The following NREP variants were observed in gnomAD, a reference collection of about 807,000 sequenced individuals.
NREP encodes neuronal regeneration-related protein.
In NREP, 5 loss-of-function variants were observed where a neutral mutation model predicts 8.6. The ratio of observed to expected loss-of-function variants is 0.58; its 90% confidence interval spans 0.30 to 1.22. NREP has a LOEUF of 1.22. NREP is among the 50% of genes most tolerant of loss of function. The probability of loss-of-function intolerance (pLI) is 0.07; values close to 1 mark genes in which losing one functional copy is unlikely to be tolerated. For missense variants in NREP, 86 were observed against 82.5 expected, an observed-to-expected ratio of 1.04 and a Z score of -0.17; for synonymous variants, 27 against 28.0, an observed-to-expected ratio of 0.96 and a Z score of 0.11.
chr5:111,734,605 A>C, intron 3 of NREP: 1 of 545,700 alleles, frequency 1.8e-6, no homozygotes, highest in Non-Finnish European at 3.3e-6. Context: ...TGTTGATACT[A>C]TTTAGTGTAA....
chr5:111,928,400 A>T (rs1190401764), intron 2 of NREP, among the ~76,000 whole-genome samples: 1 of 152,050 alleles, frequency 6.6e-6, no homozygotes, highest in Non-Finnish European at 1.5e-5. Context: ...TCTCAGTTTC[A>T]AATTGAGGAA....
intron 2 of NREP, among the ~76,000 whole-genome samples, chr5:111,947,486 T>G (rs1474914094): frequency 6.6e-6 from 1 of 151,982 alleles, no homozygotes; most frequent in Non-Finnish European, 1.5e-5. Context: ...ATTATGCAAT[T>G]ATAATAGATA....
chr5:111,744,813 G>A (rs914357284), intron 2 of NREP, among the ~76,000 whole-genome samples: 4 of 152,044 alleles, frequency 2.6e-5, no homozygotes, highest in Admixed American at 1.3e-4. Flanking sequence ...AAGAATCATC[G>A]GTAGTTTAAT....
At chr5:111,877,280 A>G (rs1028078015) in intron 2 of NREP, among the ~76,000 whole-genome samples, 1 of 152,152 alleles carries the variant, frequency 6.6e-6, no homozygotes, top group African/African-American at 2.4e-5. Flanking sequence ...AACTCCATCC[A>G]TGATTGCCCT....
chr5:111,933,575 G>A (rs1755601908), intron 2 of NREP, among the ~76,000 whole-genome samples: 2 of 152,028 alleles, frequency 1.3e-5, no homozygotes, highest in South Asian at 4.1e-4. Flanking sequence ...CCAAGCCAAG[G>A]ACAGAATGAC....
chr5:111,890,867 A>G (rs956775245), intron 2 of NREP, among the ~76,000 whole-genome samples: 3 of 152,206 alleles, frequency 2.0e-5, no homozygotes, highest in African/African-American at 7.2e-5. Context: ...GGCTGCCACA[A>G]AAGCCTCTGC....
intron 2 of NREP, among the ~76,000 whole-genome samples, chr5:111,823,080 T>A (rs905142960): frequency 6.6e-6 from 1 of 152,160 alleles, no homozygotes; most frequent in African/African-American, 2.4e-5. Flanking sequence ...CTTGAACTCA[T>A]GGGGGAAGAC....
At chr5:111,905,523 C>T (rs993731576) in intron 2 of NREP, among the ~76,000 whole-genome samples, 8 of 151,998 alleles carry the variant, frequency 5.3e-5, no homozygotes, top group African/African-American at 7.2e-5. Flanking sequence ...AAGAATAGAC[C>T]GTGGCTTAAA....
intron 2 of NREP, among the ~76,000 whole-genome samples, chr5:111,788,105 G>T (rs1247017952): frequency 6.6e-6 from 1 of 151,944 alleles, no homozygotes; most frequent in Non-Finnish European, 1.5e-5. Context: ...ACAACAACAA[G>T]AAAAATCAAA....
chr5:111,809,870 C>CGCGTGTGT (rs1225782852), intron 2 of NREP, among the ~76,000 whole-genome samples: 39 of 144,206 alleles, frequency 2.7e-4, no homozygotes, highest in African/African-American at 9.1e-4. Context: ...GGGACTTTGG[C>CGCGTGTGT]GTGTGTGTGT....
chr5:111,938,794 T>C (rs947087207), intron 2 of NREP, among the ~76,000 whole-genome samples: 5 of 152,080 alleles, frequency 3.3e-5, no homozygotes, highest in African/African-American at 1.2e-4. Context: ...AACAGCTTAG[T>C]ATACTGCAGT....
chr5:111,967,651 T>C (rs1192577298), intron 2 of NREP, among the ~76,000 whole-genome samples: 1 of 152,158 alleles, frequency 6.6e-6, no homozygotes, highest in Non-Finnish European at 1.5e-5. Context: ...GTCTGGGAAG[T>C]GAGGAGCGCC....
chr5:111,944,239 T>A (rs1755913794), intron 2 of NREP, among the ~76,000 whole-genome samples: 1 of 152,086 alleles, frequency 6.6e-6, no homozygotes, highest in Non-Finnish European at 1.5e-5. Flanking sequence ...AATTGTTAGG[T>A]TTCTTCCTAC....
intron 2 of NREP, among the ~76,000 whole-genome samples, chr5:111,924,498 C>T (rs1191783200): frequency 1.3e-5 from 2 of 151,818 alleles, no homozygotes; most frequent in African/African-American, 4.8e-5. Context: ...GCACTGTGGG[C>T]CATTTCATTT....
chr5:111,758,029 A>C (rs1237814397), upstream of NREP: 3 of 985,388 alleles, frequency 3.0e-6, no homozygotes, highest in African/African-American at 3.5e-5. Flanking sequence ...AGCGAAGCAG[A>C]AAATGGTGCC....
intron 2 of NREP, among the ~76,000 whole-genome samples, chr5:111,768,444 G>A (rs1751136928): frequency 1.3e-5 from 2 of 152,180 alleles, no homozygotes; most frequent in South Asian, 4.1e-4. Context: ...TGAGGTTTGA[G>A]ATATGAATGA....
At chr5:111,864,669 G>T (rs1056822184) in intron 2 of NREP, among the ~76,000 whole-genome samples, 1 of 152,040 alleles carries the variant, frequency 6.6e-6, no homozygotes. Context: ...ACAAAGAAAT[G>T]AGTCCAAATG....
At chr5:111,879,340 C>T (rs1753989697) in intron 2 of NREP, among the ~76,000 whole-genome samples, 1 of 152,188 alleles carries the variant, frequency 6.6e-6, no homozygotes, top group African/African-American at 2.4e-5. Flanking sequence ...CTAGGAAGAT[C>T]AGATAAAGCA....
chr5:111,949,321 T>C (rs1581243914), intron 2 of NREP, among the ~76,000 whole-genome samples: 1 of 151,776 alleles, frequency 6.6e-6, no homozygotes, highest in East Asian at 1.9e-4. Context: ...AACTGCAGTC[T>C]AGTGCACAGG....
Sources: allele counts gnomAD v4.1 joint callset (sites outside exome capture counted in the v4.1 genomes callset), GRCh38; gene constraint gnomAD v4.1.1; transcripts MANE v1.5; gene names NCBI Gene and HGNC (gene_info 2026-07-23, HGNC 2026-07-21).